The following RPL8 variants were observed in gnomAD, a reference collection of about 807,000 sequenced individuals.
RPL8 encodes large ribosomal subunit protein uL2.
For missense variants in RPL8, 248 were observed against 365.9 expected (o/e 0.68, Z 2.63); for synonymous variants, 182 against 143.2 (o/e 1.27, Z -1.94).
rs772282828 is a variant in RPL8, at chr8:144,789,969, G to A, written c.616-7C>T. 10 of 1,604,138 alleles carry A rather than the reference G, an allele frequency of 6.2e-6. No homozygotes were observed. In the South Asian group the frequency reaches 6.7e-5, roughly 11 times the overall value. On this transcript the variant is annotated splice_region_variant and splice_polypyrimidine_tract_variant and intron_variant, in intron 4 of 4. Transcript: ENST00000528957. ...CAAAAGGATGCTCCACAGGCTGCAG[G>A]CAGAGAAAGATGGCTTTAGAAACCT...
chr8:144,790,060 C>T, intron 4 of RPL8, 98 bp from the exon 5 acceptor site: 3 of 1,401,094 alleles, frequency 2.1e-6, no homozygotes, highest in Non-Finnish European at 2.9e-6. Flanking sequence ...CCGCGAAGCC[C>T]CTCTCCACAG....
At chr8:144,791,555 C>T (rs1554632416) in intron 2 of RPL8, 60 bp from the exon 3 acceptor site, 1 of 1,562,262 alleles carries the variant, frequency 6.4e-7, no homozygotes, top group Non-Finnish European at 8.7e-7. Context: ...AACCCCCTCG[C>T]TCTAGGCAAC....
chr8:144,790,784 C>G (rs1422908801), intron 3 of RPL8: 2 of 600,242 alleles, frequency 3.3e-6, no homozygotes, highest in Admixed American at 4.3e-5. Context: ...ACACTTGATT[C>G]AGCCTGCCCC....
rs755843184 is a variant in RPL8 at position 144,790,412 on chromosome 8, G to A, written c.558C>T (p.Tyr186=). 6.2e-7 allele frequency: 1 copy of A among 1,614,046 alleles called. No individual in the cohort carries two copies. The highest frequency in any genetic ancestry group is 2.2e-5 in the East Asian group (1 of 44,872). ...AGTTCCTCTTTGCCTTATATTTGTGGTACGCCCGGCCAGCCTTCAAGATGG... is the reference window on the plus strand; with the variant it reads ...AGTTCCTCTTTGCCTTATATTTGTGATACGCCCGGCCAGCCTTCAAGATGG... The part of the protein sequence containing the change: ...DKPILKAGRA[Y]HKYKAKRNCW... Residue 186 remains tyrosine, a synonymous_variant, in exon 4 of 5, where the codon TAC becomes TAT. Coordinates refer to ENST00000528957, the MANE Select transcript of RPL8 (RefSeq NM_001317782.2).
chr8:144,790,673 CTCACCTCCA>C, intron 3 of RPL8: 1 of 693,346 alleles, frequency 1.4e-6, no homozygotes. Context: ...AGCCAAGGCC[CTCACCTCCA>C]TCACCTAGAA....
At position 144,790,916 on chromosome 8, in the gene RPL8, T is replaced by C. The variant is rs575936799; in HGVS notation, c.499+361A>G. On this transcript the variant is annotated intron_variant, in intron 3 of 4. Transcript: ENST00000528957. ...AGTGAGTTAACCTAGACTCAAATCC[T>C]TTTTCACTCACTCAGTAGGCGTCTT... 1.3e-5 allele frequency: 6 copies of C among 462,950 alleles called. 1 individual carries two copies. Among genetic ancestry groups the C allele is most frequent in the South Asian group, 9.0e-5 (5 of 55,290 alleles). The allele number at this position is 462,950 out of a possible 1,614,324, so 28.7% of individuals were successfully genotyped here.
In RPL8 at chr8:144,792,164, C is replaced by A; in HGVS notation, c.-35G>T. 6.9e-7 allele frequency: 1 copy of A among 1,454,276 alleles called. No individual in the cohort carries two copies. The highest frequency in any genetic ancestry group is 9.0e-7 in the Non-Finnish European group (1 of 1,111,798). 90.1% of individuals were successfully genotyped at this position (1,454,276 alleles called of 1,614,324 possible). The stretch of plus-strand genomic sequence containing the variant: ...TCCTGGGGGCGACTCACGATTAGCG[C>A]GGCCGGGCGGCCCGGGTACCCCCGC... On this transcript the variant is annotated 5_prime_UTR_variant, in exon 1 of 5. Coordinates refer to ENST00000528957, the MANE Select transcript of RPL8 (RefSeq NM_001317782.2).
intron 4 of RPL8, 103 bp downstream of exon 4, chr8:144,790,252 G>A (rs955463097): frequency 1.9e-5 from 19 of 981,938 alleles, no homozygotes; most frequent in South Asian, 2.9e-5. Context: ...TCCTCCCACC[G>A]TAGATCCCCC....
chr8:144,790,620 T>G lies in RPL8; in HGVS notation c.500-150A>C, dbSNP rs1051195834. ...CCACCCTAGGGAGCCCCTTGCACCCTGTGAGCTGACATCCAGTTTCTTCAA... is the reference window on the plus strand; with the variant it reads ...CCACCCTAGGGAGCCCCTTGCACCCGGTGAGCTGACATCCAGTTTCTTCAA... On this transcript the variant is annotated intron_variant, in intron 3 of 4. Transcript: ENST00000528957. The G allele has an allele frequency of 8.6e-6, 6 of 695,092 alleles. No homozygotes were observed. The East Asian group carries it at 1.6e-4, about 19-fold the overall frequency. The allele number at this position is 695,092 out of a possible 1,614,324, so 43.1% of individuals were successfully genotyped here.
Position 144,792,101 on chromosome 8 carries a change from T to C in RPL8, c.29A>G (p.Lys10Arg), listed in dbSNP as rs1234028238. MGRVIRGQRKGAGSVFRAHV... is the reference protein window; with the variant it reads MGRVIRGQRRGAGSVFRAHV... ...CGCGCGGAACACAGACCCGGCGCCCTTCCTCTGTCCACGGATCACACGGCC... is the reference window on the plus strand; with the variant it reads ...CGCGCGGAACACAGACCCGGCGCCCCTCCTCTGTCCACGGATCACACGGCC... Residue 10 changes from lysine to arginine, a missense_variant, in exon 1 of 5, where the codon AAG becomes AGG. Lys to Arg is a conservative substitution (Grantham distance 26). Coordinates refer to ENST00000528957, the MANE Select transcript of RPL8 (RefSeq NM_001317782.2). 1 of 1,589,856 alleles carries C rather than the reference T, an allele frequency of 6.3e-7. No homozygotes were observed.
At position 144,792,345 on chromosome 8, in the gene RPL8, A is replaced by G. The variant is rs1014795363; in HGVS notation, c.-216T>C. Reference sequence around the variant, plus strand: ...TGGCGGCGGATACTGCCCATGCCGCAAGGCCGCAAGGATGACCTACCTGTT... The same window carrying G: ...TGGCGGCGGATACTGCCCATGCCGCGAGGCCGCAAGGATGACCTACCTGTT... On this transcript the variant is annotated 5_prime_UTR_variant, in exon 1 of 5. Transcript: ENST00000528957. 4.1e-6 allele frequency: 3 copies of G among 734,242 alleles called. No homozygotes were observed. The African/African-American group carries it at 5.6e-5, about 14-fold the overall frequency. The allele number at this position is 734,242 out of a possible 1,614,324, so 45.5% of individuals were successfully genotyped here.
chr8:144,790,018 G>C (rs1295719315), intron 4 of RPL8, 56 bp from the exon 5 acceptor site: 5 of 1,531,552 alleles, frequency 3.3e-6, no homozygotes, highest in Non-Finnish European at 4.4e-6. Context: ...CCCGCCCCCG[G>C]CCTCGGGGTC....
chr8:144,791,615 C>T (rs1411087104), intron 2 of RPL8, 120 bp from the exon 3 acceptor site: 8 of 1,472,180 alleles, frequency 5.4e-6, no homozygotes, highest in African/African-American at 2.8e-5. Flanking sequence ...CGGTACAACT[C>T]TCTCGGCACC....
intron 3 of RPL8, 27 bp downstream of exon 3, chr8:144,791,250 A>G (rs2130376464): frequency 6.2e-7 from 1 of 1,606,184 alleles, no homozygotes; most frequent in African/African-American, 1.3e-5. Context: ...CACAGCCCTC[A>G]GCATTCAACT....
rs773301950 is a variant in RPL8, at chr8:144,791,530, G to GT, written c.281-36dup. ...GAAGCAGCATCAGGCCGTCAGCACA[G>GT]TAAGAAACAATGCGAACCCCCTCGC... On this transcript the variant is annotated intron_variant, in intron 2 of 4. Coordinates refer to ENST00000528957, the MANE Select transcript of RPL8 (RefSeq NM_001317782.2). 4 of 1,603,940 alleles carry GT rather than the reference G, an allele frequency of 2.5e-6. No individual in the cohort carries two copies. The African/African-American group carries it at 5.4e-5, about 21-fold the overall frequency.
rs767345179 is a variant in RPL8 at position 144,792,089 on chromosome 8, G to C, written c.41C>G (p.Ser14Cys). Residue 14 changes from serine (S) to cysteine (C), a missense_variant, in exon 1 of 5, where the codon TCT (serine) becomes TGT (cysteine). Transcript: ENST00000528957. ...VIRGQRKGAG[S>C]VFRAHVKHRK... The stretch of plus-strand genomic sequence containing the variant: ...GTGCTTCACGTGCGCGCGGAACACA[G>C]ACCCGGCGCCCTTCCTCTGTCCACG... 1.9e-6 allele frequency: 3 copies of C among 1,598,962 alleles called. No individual in the cohort carries two copies. Among genetic ancestry groups the C allele is most frequent in the East Asian group, 2.2e-5 (1 of 44,666 alleles).
chr8:144,791,619 C>A, intron 2 of RPL8, 124 bp from the exon 3 acceptor site: 3 of 1,465,814 alleles, frequency 2.0e-6, no homozygotes, highest in Non-Finnish European at 2.8e-6. Context: ...ACAACTCTCT[C>A]GGCACCCACC....
chr8:144,791,660 C>T, intron 2 of RPL8, 113 bp downstream of exon 2: 1 of 1,549,830 alleles, frequency 6.5e-7, no homozygotes, highest in Non-Finnish European at 8.8e-7. Flanking sequence ...CGCGGATGTC[C>T]CCACCTGAAG....
At position 144,790,342 on chromosome 8, in the gene RPL8, C is replaced by T; in HGVS notation, c.615+13G>A. 1 of 1,608,172 alleles carries T rather than the reference C, an allele frequency of 6.2e-7. No homozygotes were observed. The highest frequency in any genetic ancestry group is 8.5e-7 in the Non-Finnish European group (1 of 1,174,700). On this transcript the variant is annotated intron_variant, in intron 4 of 4. Coordinates refer to ENST00000528957, the MANE Select transcript of RPL8 (RefSeq NM_001317782.2). Reference sequence around the variant, plus strand: ...AACTTCAATACCCAACCCTGCATTTCTGGGTTACTTACATTCATGGCCACA... The same window carrying T: ...AACTTCAATACCCAACCCTGCATTTTTGGGTTACTTACATTCATGGCCACA...
Sources: allele counts gnomAD v4.1 joint callset, GRCh38; gene constraint gnomAD v4.1.1; transcripts MANE v1.5; gene names NCBI Gene and HGNC (gene_info 2026-07-23, HGNC 2026-07-21).